HECW1: variants seen among roughly 807,000 people sequenced by gnomAD.
HECW1 encodes the protein HECT, C2 and WW domain containing E3 ubiquitin protein ligase 1.
A neutral mutation model predicts 182.3 loss-of-function variants in HECW1; 61 were observed. That is an observed-to-expected ratio of 0.33 (90% CI 0.27 to 0.41). HECW1 has a LOEUF of 0.41. Among genes scored for constraint, HECW1 ranks in the 10% least tolerant of loss-of-function variants. The pLI is 1.00. For missense variants in HECW1, 1,739 were observed against 2,108.9 expected (o/e 0.82, Z 3.44); for synonymous variants, 859 against 832.6 (o/e 1.03, Z -0.55).
At chr7:43,487,259 T>A (rs549678171) in intron 17 of HECW1, among the ~76,000 whole-genome samples, 159 of 152,328 alleles carry the variant, frequency 1.0e-3, no homozygotes, top group Non-Finnish European at 1.8e-3. Context: ...CAAGTGTACA[T>A]TCCCAAATTG....
chr7:43,253,947 A>G (rs1800300922), intron 3 of HECW1, among the ~76,000 whole-genome samples: 1 of 152,126 alleles, frequency 6.6e-6, no homozygotes, highest in Non-Finnish European at 1.5e-5. Flanking sequence ...ATATCACATG[A>G]ATACATTCAT....
intron 29 of HECW1, among the ~76,000 whole-genome samples, chr7:43,556,129 G>T (rs1053682112): frequency 6.6e-6 from 1 of 152,156 alleles, no homozygotes; most frequent in Non-Finnish European, 1.5e-5. Flanking sequence ...TAAGAGCAGC[G>T]TGCTGCGAGA....
At chr7:43,222,877 A>G (rs12702025) in intron 2 of HECW1, among the ~76,000 whole-genome samples, 87,242 of 151,898 alleles carry the variant, frequency 0.57, 25,939 homozygotes, top group African/African-American at 0.72. Flanking sequence ...ATCCCATCCC[A>G]TCTTATGACC....
intron 2 of HECW1, among the ~76,000 whole-genome samples, chr7:43,120,214 C>A (rs1444139464): frequency 2.0e-5 from 3 of 152,142 alleles, no homozygotes; most frequent in African/African-American, 4.8e-5. Context: ...CCTTGCTCTT[C>A]CTAGAACGTG....
chr7:43,465,592 G>C (rs1480210970), intron 14 of HECW1, among the ~76,000 whole-genome samples: 1 of 152,214 alleles, frequency 6.6e-6, no homozygotes, highest in Non-Finnish European at 1.5e-5. Context: ...TTGAAACAAG[G>C]CACAAGGCCA....
intron 3 of HECW1, among the ~76,000 whole-genome samples, chr7:43,297,305 T>C (rs1189587108): frequency 6.6e-6 from 1 of 152,238 alleles, no homozygotes; most frequent in Non-Finnish European, 1.5e-5. Flanking sequence ...ATGTCACAAT[T>C]ACACTTGTTT....
rs148072144 is a variant in HECW1, at chr7:43,276,174, A to G, written c.27+32242A>G. Among the ~76,000 whole-genome samples the G allele has an allele frequency of 4.1e-3, 630 of 152,328 alleles. 5 individuals carry two copies. Among genetic ancestry groups the G allele is most frequent in the African/African-American group, 0.014 (584 of 41,578 alleles). On this transcript the variant is annotated intron_variant, in intron 3 of 29. Transcript: ENST00000395891. Reference sequence around the variant, plus strand: ...CAGAAATGGTAAGAAATGATCTTACATAACAACTATGCCAGGGACAGTTTA... The same window carrying G: ...CAGAAATGGTAAGAAATGATCTTACGTAACAACTATGCCAGGGACAGTTTA...
At chr7:43,557,718 T>G (rs2082076743) in intron 29 of HECW1, among the ~76,000 whole-genome samples, 1 of 152,238 alleles carries the variant, frequency 6.6e-6, no homozygotes, top group Non-Finnish European at 1.5e-5. Flanking sequence ...TCACTGATTT[T>G]CAAGCTTCTT....
chr7:43,299,072 G>A (rs1806399983), intron 3 of HECW1, among the ~76,000 whole-genome samples: 1 of 152,246 alleles, frequency 6.6e-6, no homozygotes, highest in Non-Finnish European at 1.5e-5. Flanking sequence ...GGCAGTGAGT[G>A]CCCTTGAATC....
At chr7:43,466,248 C>A (rs2077775374) in intron 14 of HECW1, among the ~76,000 whole-genome samples, 199 bp from the exon 15 acceptor site, 1 of 152,094 alleles carries the variant, frequency 6.6e-6, no homozygotes, top group Non-Finnish European at 1.5e-5. Context: ...AGGACTTGAG[C>A]CTTACTGAAG....
At position 43,178,793 on chromosome 7, in the gene HECW1, G is replaced by T. The variant is rs376135651; in HGVS notation, c.-32+64402G>T. The stretch of plus-strand genomic sequence containing the variant: ...GTGGTTCACTACCAGAGCCGCTGTG[G>T]CGTTCCTCAACTCCAGCCCACTTGG... On this transcript the variant is annotated intron_variant, in intron 2 of 29. Transcript: ENST00000395891. Among the ~76,000 whole-genome samples, 6 of 152,306 alleles carry T rather than the reference G, an allele frequency of 3.9e-5. 1 individual carries two copies. The highest frequency in any genetic ancestry group is 3.9e-4 in the East Asian group (2 of 5,178).
intron 2 of HECW1, among the ~76,000 whole-genome samples, chr7:43,134,393 C>CAAAAAAAA (rs35414360): frequency 8.0e-5 from 7 of 87,750 alleles, no homozygotes; most frequent in Non-Finnish European, 1.0e-4. Context: ...GACTCTGTCT[C>CAAAAAAAA]AAAAAAAAAA....
At chr7:43,200,473 G>A (rs13237907) in intron 2 of HECW1, among the ~76,000 whole-genome samples, 19,384 of 152,212 alleles carry the variant, frequency 0.13, 1,580 homozygotes, top group Non-Finnish European at 0.18. Flanking sequence ...CGGCAGCCAA[G>A]TCAGATTTCT....
At chr7:43,539,343 C>T (rs938684189) in intron 24 of HECW1, among the ~76,000 whole-genome samples, 1 of 152,278 alleles carries the variant, frequency 6.6e-6, no homozygotes, top group African/African-American at 2.4e-5. Context: ...GGTTTACTGT[C>T]CTTGAGTTTT....
At chr7:43,315,134 G>C (rs542837493) in intron 4 of HECW1, among the ~76,000 whole-genome samples, 1 of 152,180 alleles carries the variant, frequency 6.6e-6, no homozygotes, top group African/African-American at 2.4e-5. Context: ...CATAAGAGGG[G>C]GAAGATACCT....
intron 16 of HECW1, among the ~76,000 whole-genome samples, chr7:43,479,275 C>T (rs2078331221): frequency 6.6e-6 from 1 of 152,162 alleles, no homozygotes; most frequent in Non-Finnish European, 1.5e-5. Context: ...GCATTAGATT[C>T]TCATAAGGAG....
In HECW1 at chr7:43,416,799, C is replaced by T. The variant is rs2076018843; in HGVS notation, c.801+9068C>T. ...TGGGAGTGACCCGATTTTCCAGGTG[C>T]GTCCGTCACCCCTTTCTTTGACTCG... On this transcript the variant is annotated intron_variant, in intron 8 of 29. Coordinates refer to ENST00000395891, the MANE Select transcript of HECW1 (RefSeq NM_015052.5). Among the ~76,000 whole-genome samples, 9 of 148,586 alleles carry T rather than the reference C, an allele frequency of 6.1e-5. No homozygotes were observed. The South Asian group carries it at 1.1e-3, about 18-fold the overall frequency.
In HECW1 at chr7:43,312,036, G is replaced by T. The variant is rs1475680876; in HGVS notation, c.301G>T (p.Asp101Tyr). 6.2e-7 allele frequency: 1 copy of T among 1,614,230 alleles called. No individual in the cohort carries two copies. Among genetic ancestry groups the T allele is most frequent in the Non-Finnish European group, 8.5e-7 (1 of 1,180,042 alleles). Residue 101 changes from aspartate to tyrosine, a missense_variant, in exon 4 of 30, where the codon GAC becomes TAC. Coordinates refer to ENST00000395891, the MANE Select transcript of HECW1 (RefSeq NM_015052.5). ...GHSQDLVIHW[D>Y]IKEEVDAGDW... ...CTCTCAGGACCTGGTCATCCACTGG[G>T]ACATAAAGGAGGAAGTGGACGCTGG...
rs534043147 is a variant in HECW1 at position 43,482,916 on chromosome 7, A to G, written c.3234+3172A>G. Among the ~76,000 whole-genome samples the G allele has an allele frequency of 3.3e-5, 5 of 152,280 alleles. No individual in the cohort carries two copies. The East Asian group carries it at 9.6e-4, about 29-fold the overall frequency. ...CAAGACTCTGTCTCAACAAAACAAAACAAATAATAAAATAAAATAAAGTAC... is the reference window on the plus strand; with the variant it reads ...CAAGACTCTGTCTCAACAAAACAAAGCAAATAATAAAATAAAATAAAGTAC... On this transcript the variant is annotated intron_variant, in intron 17 of 29. Coordinates refer to ENST00000395891, the MANE Select transcript of HECW1 (RefSeq NM_015052.5).
Sources: gnomAD v4.1 joint callset for allele counts (sites outside exome capture counted in the v4.1 genomes callset) on GRCh38, gnomAD v4.1.1 for gene constraint, MANE v1.5 for transcripts, NCBI Gene and HGNC (gene_info 2026-07-23, HGNC 2026-07-21) for gene names.